The following FAM234A variants were observed in gnomAD, a reference collection of about 807,000 sequenced individuals.
FAM234A encodes the protein protein FAM234A.
A neutral mutation model predicts 49.1 loss-of-function variants in FAM234A; 42 were observed. The observed-to-expected ratio is 0.86, with a 90% confidence interval of 0.67 to 1.11. The LOEUF is 1.11. Ranked by LOEUF, FAM234A falls within the 50% of genes least tolerant of loss-of-function variation. FAM234A has a pLI of 0.00. For synonymous variants in FAM234A, 369 were observed against 316.2 expected (o/e 1.17, Z -1.77); for missense variants, 815 against 745.2 (o/e 1.09, Z -1.09).
Position 263,260 on chromosome 16 carries a change from A to G in FAM234A, c.972-2A>G. 6.2e-7 allele frequency: 1 copy of G among 1,612,196 alleles called. No individual in the cohort carries two copies. The highest frequency in any genetic ancestry group is 1.1e-5 in the South Asian group (1 of 91,076). On this transcript the variant is annotated splice_acceptor_variant, in intron 8 of 12. Transcript: ENST00000399932. LOFTEE classifies it high-confidence loss of function. Reference sequence around the variant, plus strand: ...GCCCCTTTCTCCCACTCTCCTGTCTAGCTCTGGAGCAGTGCGCTACCTGAT... The same window carrying G: ...GCCCCTTTCTCCCACTCTCCTGTCTGGCTCTGGAGCAGTGCGCTACCTGAT...
In FAM234A at chr16:264,983, G is replaced by A. The variant is rs527293659; in HGVS notation, c.1620G>A (p.Arg540=). The change falls in exon 13 of 13, where the codon AGG becomes AGA. Residue 540 remains arginine, a synonymous_variant. Coordinates refer to ENST00000399932, the MANE Select transcript of FAM234A (RefSeq NM_032039.4). ...EGGPDSDQAI[R]DRFSRLRYQS... Reference sequence around the variant, plus strand: ...GGCCAGACAGTGACCAAGCCATCAGGGACCGGTTCTCCCGGCTGCGGTACC... The same window carrying A: ...GGCCAGACAGTGACCAAGCCATCAGAGACCGGTTCTCCCGGCTGCGGTACC... The A allele has an allele frequency of 9.3e-6, 15 of 1,611,402 alleles. No individual in the cohort carries two copies. In the African/African-American group the frequency reaches 1.9e-4, roughly 20 times the overall value.
At chr16:247,853 G>C (rs1322634474) in intron 1 of FAM234A, among the ~76,000 whole-genome samples, 3 of 152,072 alleles carry the variant, frequency 2.0e-5, no homozygotes, top group Non-Finnish European at 2.9e-5. Context: ...CAGTTAAAAT[G>C]ATGATCCTCC....
chr16:256,847 A>G (rs1268928096), intron 3 of FAM234A, among the ~76,000 whole-genome samples: 1 of 151,196 alleles, frequency 6.6e-6, no homozygotes, highest in Admixed American at 6.6e-5. Flanking sequence ...GATTCAAGTG[A>G]TTCTCCTGCC....
chr16:252,592 C>T (rs1246479218), intron 2 of FAM234A, among the ~76,000 whole-genome samples: 1 of 152,152 alleles, frequency 6.6e-6, no homozygotes, highest in Admixed American at 6.6e-5. Flanking sequence ...TGTTTCACAG[C>T]AGCGGCATCA....
chr16:257,236 CTTTTTTTTTTTTTTTT>C (rs759071082), intron 3 of FAM234A, among the ~76,000 whole-genome samples: 1 of 89,014 alleles, frequency 1.1e-5, no homozygotes, highest in Non-Finnish European at 2.2e-5. Context: ...TCAATGAAGT[CTTTTTTTTTTTTTTTT>C]TTTTTTTTTT....
chr16:251,679 G>GTTTTTT lies in FAM234A; in HGVS notation c.-34+2047_-34+2052dup, dbSNP rs1172222528. Among the ~76,000 whole-genome samples the GTTTTTT allele has an allele frequency of 1.5e-4, 14 of 91,138 alleles. 1 individual carries two copies. The highest frequency in any genetic ancestry group is 4.2e-4 in the East Asian group (1 of 2,392). 59.8% of individuals were successfully genotyped at this position (91,138 alleles called of 152,430 possible). A position where few individuals can be genotyped will look rare whatever the true frequency, so the allele number is the denominator to read the frequency against. ...GGCATAAGCCACCATGCCTAGCCAG[G>GTTTTTT]TTTTTTTTTTTTTTTTTTTTTTTTT... On this transcript the variant is annotated intron_variant, in intron 2 of 12. Coordinates refer to ENST00000399932, the MANE Select transcript of FAM234A (RefSeq NM_032039.4).
chr16:268,406 C>T, downstream of FAM234A: 1 of 325,818 alleles, frequency 3.1e-6, no homozygotes, highest in Non-Finnish European at 5.9e-6. Context: ...ATGGCACCGC[C>T]CTACCGCCGA....
intron 5 of FAM234A, chr16:260,752 A>T (rs1418467722): frequency 2.3e-6 from 1 of 433,878 alleles, no homozygotes; most frequent in Non-Finnish European, 4.9e-6. Context: ...CTGTCATTTT[A>T]AGGATATGGA....
intron 3 of FAM234A, among the ~76,000 whole-genome samples, chr16:257,463 C>T (rs1227612960): frequency 1.3e-5 from 2 of 151,874 alleles, no homozygotes; most frequent in Non-Finnish European, 2.9e-5. Context: ...CCAGGCTGGT[C>T]TCAAACTCTT....
At position 244,682 on chromosome 16, in the gene FAM234A, CTT is replaced by C. The variant is rs59549388; in HGVS notation, c.-139-4845_-139-4844del. ...AGTCTGCTTCCCTGAATGGTAACCT[CTT>C]TTTTTTTTTTTTTTTTTTTTTGAGA... On this transcript the variant is annotated intron_variant, in intron 1 of 12. Transcript: ENST00000399932. 5.0e-3 allele frequency among the ~76,000 whole-genome samples: 432 copies of C among 86,772 alleles called. 12 individuals carry two copies. The East Asian group carries it at 0.1, about 21-fold the overall frequency. The allele number at this position is 86,772 out of a possible 152,430, so 56.9% of individuals were successfully genotyped here.
downstream of FAM234A, among the ~76,000 whole-genome samples, chr16:266,904 AG>A (rs1399932060): frequency 1.3e-5 from 2 of 151,880 alleles, no homozygotes; most frequent in Admixed American, 6.5e-5. Context: ...GAGGGAGGGC[AG>A]GGGGTCCCCA....
Position 264,914 on chromosome 16 carries a change from G to A in FAM234A, c.1551G>A (p.Arg517=). The A allele has an allele frequency of 6.2e-7, 1 of 1,613,082 alleles. No homozygotes were observed. Among genetic ancestry groups the A allele is most frequent in the Admixed American group, 1.7e-5 (1 of 60,016 alleles). ...TCTCTGTGATCAAGCACAAGGTGCG[G>A]GACCTTGTCCCAAGCAGCAGGGTGG... is the stretch of plus-strand genomic sequence containing the variant. ...GLVSVIKHKV[R]DLVPSSRVVR... Residue 517 remains arginine (R), a synonymous_variant, in exon 13 of 13, where the codon CGG becomes CGA. Transcript: ENST00000399932.
chr16:266,862 G>A (rs1341107519), downstream of FAM234A, among the ~76,000 whole-genome samples: 5 of 152,128 alleles, frequency 3.3e-5, no homozygotes, highest in African/African-American at 1.2e-4. Context: ...AAGGTTCACT[G>A]GGGTTGCAAG....
intron 1 of FAM234A, among the ~76,000 whole-genome samples, chr16:248,024 G>T (rs1283623111): frequency 6.6e-6 from 1 of 152,072 alleles, no homozygotes; most frequent in Non-Finnish European, 1.5e-5. Context: ...TCAATTGCCT[G>T]CATTGTTTTG....
rs12443601 is a variant in FAM234A at position 255,089 on chromosome 16, C to T, written c.268+408C>T. ...CAGGGTGGTCTCGAACTCCTGAGCT[C>T]GTGATCCGCCCGCCTCAGCCTCCCA... On this transcript the variant is annotated intron_variant, in intron 3 of 12. Coordinates refer to ENST00000399932, the MANE Select transcript of FAM234A (RefSeq NM_032039.4). Among the ~76,000 whole-genome samples the T allele has an allele frequency of 5.7e-3, 864 of 151,968 alleles. 18 individuals carry two copies. The highest frequency in any genetic ancestry group is 0.04 in the Admixed American group (615 of 15,262).
chr16:268,669 G>T (rs2051780707), downstream of FAM234A: 4 of 1,240,630 alleles, frequency 3.2e-6, no homozygotes, highest in Non-Finnish European at 4.5e-6. Context: ...CGGCGCACCT[G>T]TGGACAAATT....
rs766346467 is a variant in FAM234A, at chr16:263,779, C to T, written c.1188+4C>T. The T allele has an allele frequency of 5.6e-6, 9 of 1,610,328 alleles. No individual in the cohort carries two copies. Among genetic ancestry groups the T allele is most frequent in the Admixed American group, 1.7e-5 (1 of 60,006 alleles). On this transcript the variant is annotated splice_donor_region_variant and intron_variant, in intron 10 of 12. Coordinates refer to ENST00000399932, the MANE Select transcript of FAM234A (RefSeq NM_032039.4). ...CGGAACTGGCACCGACAGACAGGTT[C>T]GTTGTTCTTCCTTCGGAGGTGGCAC...
rs765294572 is a variant in FAM234A, at chr16:260,027, C to G, written c.444C>G (p.Leu148=). 3.7e-6 allele frequency: 6 copies of G among 1,613,670 alleles called. No homozygotes were observed. Among genetic ancestry groups the G allele is most frequent in the South Asian group, 2.2e-5 (2 of 91,078 alleles). ...AAVSGANGST[L]WERPVAQDVA... ...TGTCGGGGGCCAACGGCAGCACGCT[C>G]TGGGAGAGACCTGTGGCCCAAGACG... Residue 148 remains leucine (L), a synonymous_variant, in exon 5 of 13, where the codon CTC becomes CTG. Coordinates refer to ENST00000399932, the MANE Select transcript of FAM234A (RefSeq NM_032039.4).
At chr16:235,352 TCCGGCACC>T (rs1309307959) in intron 1 of FAM234A, among the ~76,000 whole-genome samples, 1 of 152,114 alleles carries the variant, frequency 6.6e-6, no homozygotes, top group Non-Finnish European at 1.5e-5. Flanking sequence ...AGCTTGTCCG[TCCGGCACC>T]CCGGGAAAGC....
Sources: allele counts gnomAD v4.1 joint callset (sites outside exome capture counted in the v4.1 genomes callset), GRCh38; gene constraint gnomAD v4.1.1; transcripts MANE v1.5; gene names NCBI Gene and HGNC (gene_info 2026-07-23, HGNC 2026-07-21).